Variants in TMEM131 observed in about 807,000 individuals in gnomAD.
TMEM131 encodes transmembrane protein 131.
TMEM131 carries 66 observed loss-of-function variants against 211.6 expected under a neutral mutation model. The ratio of observed to expected loss-of-function variants is 0.31; its 90% CI spans 0.26 to 0.38. TMEM131 has a LOEUF of 0.38. TMEM131 is among the 10% of genes least tolerant of loss of function. TMEM131 has a pLI of 1.00. For synonymous variants in TMEM131, 844 were observed against 841.3 expected (o/e 1.00, Z -0.06); for missense variants, 2,036 against 2,299.3 (o/e 0.89, Z 2.34).
intron 3 of TMEM131, among the ~76,000 whole-genome samples, chr2:97,897,994 T>C (rs1422950201): frequency 1.3e-5 from 2 of 152,162 alleles, no homozygotes; most frequent in Non-Finnish European, 1.5e-5. Context: ...AATTTGAGAA[T>C]GAAGGGATTC....
chr2:97,982,513 TG>T (rs773926886), intron 1 of TMEM131, among the ~76,000 whole-genome samples: 1 of 152,228 alleles, frequency 6.6e-6, no homozygotes, highest in Non-Finnish European at 1.5e-5. Context: ...TTTCAAATTT[TG>T]ATGTCTACTT....
rs762016238 is a variant in TMEM131 at position 97,797,527 on chromosome 2, T to C, written c.2719-11A>G. ...CTGCAGTGGATGAGCCTTGAATCAT[T>C]GGGTAAACAGAGAGGAGTCATGAAT... On this transcript the variant is annotated splice_polypyrimidine_tract_variant and intron_variant, in intron 25 of 40. Transcript: ENST00000186436. 3 of 1,603,538 alleles carry C rather than the reference T, an allele frequency of 1.9e-6. No homozygotes were observed. Among genetic ancestry groups the C allele is most frequent in the Non-Finnish European group, 2.6e-6 (3 of 1,175,726 alleles).
chr2:97,858,502 C>G (rs1573469003), intron 5 of TMEM131, among the ~76,000 whole-genome samples: 1 of 152,138 alleles, frequency 6.6e-6, no homozygotes, highest in Non-Finnish European at 1.5e-5. Context: ...ATACCCTAAT[C>G]TCTGAGGCTG....
At chr2:97,927,361 AG>A in intron 2 of TMEM131, 64 bp downstream of exon 2, 1 of 1,260,192 alleles carries the variant, frequency 7.9e-7, no homozygotes, top group Non-Finnish European at 1.1e-6. Context: ...CATTTTTAAA[AG>A]AAAAATAATA....
rs148668806 is a variant in TMEM131 at position 97,774,878 on chromosome 2, T to C, written c.4320+965A>G. On this transcript the variant is annotated intron_variant, in intron 32 of 40. Coordinates refer to ENST00000186436, the MANE Select transcript of TMEM131 (RefSeq NM_015348.2). ...AACTATTTAGGAGTTGGGCTAGGGG[T>C]AGATGGAGGACCACGGTAACGGTGA... Among the ~76,000 whole-genome samples the C allele has an allele frequency of 1.7e-3, 259 of 152,186 alleles. 4 individuals carry two copies. In the East Asian group the frequency reaches 0.044, roughly 26 times the overall value.
At chr2:97,770,214 G>C (rs1679397210) in intron 33 of TMEM131, among the ~76,000 whole-genome samples, 1 of 152,134 alleles carries the variant, frequency 6.6e-6, no homozygotes, top group Non-Finnish European at 1.5e-5. Context: ...GCTCTGTTCA[G>C]AAAGCCAACC....
intron 4 of TMEM131, among the ~76,000 whole-genome samples, chr2:97,872,714 T>G (rs1674539609): frequency 6.6e-6 from 1 of 152,228 alleles, no homozygotes; most frequent in Non-Finnish European, 1.5e-5. Context: ...GCACAGATAC[T>G]GCGCTTGTCC....
At chr2:97,806,699 T>C (rs1468592086) in intron 19 of TMEM131, among the ~76,000 whole-genome samples, 2 of 152,362 alleles carry the variant, frequency 1.3e-5, no homozygotes, top group East Asian at 3.8e-4. Context: ...TATTACAATC[T>C]TTCTTTTGGC....
At chr2:97,878,051 AG>A (rs1282605899) in intron 4 of TMEM131, among the ~76,000 whole-genome samples, 2 of 152,256 alleles carry the variant, frequency 1.3e-5, no homozygotes, top group Non-Finnish European at 2.9e-5. Flanking sequence ...GGATAGGAAC[AG>A]ACACTTCAAG....
At chr2:97,788,036 C>G (rs1029936173) in intron 31 of TMEM131, among the ~76,000 whole-genome samples, 6 of 152,192 alleles carry the variant, frequency 3.9e-5, no homozygotes, top group African/African-American at 1.2e-4. Flanking sequence ...CCCCAAGTTG[C>G]TAATTCGACA....
At chr2:97,769,509 G>T (rs1161067808) in intron 33 of TMEM131, among the ~76,000 whole-genome samples, 1 of 152,164 alleles carries the variant, frequency 6.6e-6, no homozygotes, top group African/African-American at 2.4e-5. Context: ...GTGGAGCAGG[G>T]TTTTCTGAGT....
intron 38 of TMEM131, chr2:97,760,268 CTCT>C (rs1678755270): frequency 6.2e-6 from 2 of 325,120 alleles, no homozygotes; most frequent in African/African-American, 4.2e-5. Context: ...GTCACTTTCG[CTCT>C]TCTATTTTTA....
chr2:97,800,238 G>T (rs541507859), intron 25 of TMEM131, among the ~76,000 whole-genome samples: 2 of 152,136 alleles, frequency 1.3e-5, no homozygotes, highest in East Asian at 3.9e-4. Flanking sequence ...CTGTAGAGAT[G>T]CCTGAGATAG....
chr2:97,818,395 T>A (rs1681935387), intron 12 of TMEM131, among the ~76,000 whole-genome samples: 1 of 145,354 alleles, frequency 6.9e-6, no homozygotes, highest in African/African-American at 2.5e-5. Context: ...TAATACTGAT[T>A]TAGCTTTATA....
intron 7 of TMEM131, among the ~76,000 whole-genome samples, chr2:97,837,528 C>T (rs1682993885): frequency 6.6e-6 from 1 of 152,248 alleles, no homozygotes; most frequent in Admixed American, 6.5e-5. Flanking sequence ...ACACAAAGTG[C>T]TTCTTTATCC....
intron 5 of TMEM131, among the ~76,000 whole-genome samples, chr2:97,856,043 A>G (rs1051653009): frequency 1.3e-5 from 2 of 152,206 alleles, no homozygotes; most frequent in Non-Finnish European, 2.9e-5. Context: ...CCTAATCTTC[A>G]GTTTGTCTGA....
intron 3 of TMEM131, among the ~76,000 whole-genome samples, chr2:97,889,397 T>A (rs1675288710): frequency 6.6e-6 from 1 of 152,122 alleles, no homozygotes; most frequent in African/African-American, 2.4e-5. Context: ...TTCTTAGATG[T>A]TATGTAACAA....
intron 1 of TMEM131, among the ~76,000 whole-genome samples, chr2:97,957,576 T>C (rs1325743984): frequency 6.6e-6 from 1 of 152,084 alleles, no homozygotes; most frequent in Non-Finnish European, 1.5e-5. Context: ...TATTTCATGA[T>C]CTCATTGTGG....
chr2:97,908,680 G>A lies in TMEM131; in HGVS notation c.268C>T (p.Leu90Phe), dbSNP rs1191823537. ...GLLQTETTLG[L>F]SSYQQKSISL... ...TACCTTTTCTGCTGATATGAACTGAGTCCAAGTGTTGTCTCGGTCTGTAAA... is the reference window on the plus strand; with the variant it reads ...TACCTTTTCTGCTGATATGAACTGAATCCAAGTGTTGTCTCGGTCTGTAAA... Residue 90 changes from leucine to phenylalanine, a missense_variant, in exon 3 of 41, where the codon CTC becomes TTC. Transcript: ENST00000186436. 1 of 1,605,154 alleles carries A rather than the reference G, an allele frequency of 6.2e-7. No individual in the cohort carries two copies. The highest frequency in any genetic ancestry group is 1.7e-5 in the Admixed American group (1 of 59,772).
Sources: allele counts gnomAD v4.1 joint callset (sites outside exome capture counted in the v4.1 genomes callset), GRCh38; gene constraint gnomAD v4.1.1; transcripts MANE v1.5; gene names NCBI Gene and HGNC (gene_info 2026-07-23, HGNC 2026-07-21).